DENND11: variants seen among roughly 807,000 people sequenced by gnomAD.
DENND11 encodes the protein DENN domain containing 11.
DENND11 carries 34 observed loss-of-function variants against 49.2 expected under a neutral mutation model. The observed-to-expected ratio is 0.69, with a 90% CI of 0.53 to 0.92. DENND11 has a LOEUF of 0.92. Ranked by LOEUF, DENND11 falls within the 40% of genes least tolerant of loss-of-function variation. The probability of loss-of-function intolerance (pLI) is 0.00; values close to 1 mark genes in which losing one functional copy is unlikely to be tolerated. For synonymous variants in DENND11, 238 were observed against 230.3 expected (o/e 1.03, Z -0.30); for missense variants, 475 against 581.6 (o/e 0.82, Z 1.88).
intron 3 of DENND11, among the ~76,000 whole-genome samples, chr7:141,679,416 AAATT>A (rs1320738118): frequency 1.3e-5 from 2 of 152,238 alleles, no homozygotes; most frequent in East Asian, 1.9e-4. Flanking sequence ...AAACTCCTAG[AAATT>A]AATAAGAAAA....
At chr7:141,690,752 T>C (rs1256347840) in intron 1 of DENND11, among the ~76,000 whole-genome samples, 1 of 152,202 alleles carries the variant, frequency 6.6e-6, no homozygotes, top group Non-Finnish European at 1.5e-5. Context: ...AAACAAAATT[T>C]TGTGAAATGT....
At chr7:141,696,364 C>T (rs1798413778) in intron 1 of DENND11, among the ~76,000 whole-genome samples, 2 of 152,244 alleles carry the variant, frequency 1.3e-5, no homozygotes, top group Non-Finnish European at 2.9e-5. Context: ...ACTGCAGTAA[C>T]TGCTGTCTGC....
rs751532271 is a variant in DENND11, at chr7:141,662,762, C to T, written c.1262G>A (p.Arg421Gln). 253 of 1,609,586 alleles carry T rather than the reference C, an allele frequency of 1.6e-4. No homozygotes were observed. Among genetic ancestry groups the T allele is most frequent in the Non-Finnish European group, 2.0e-4 (238 of 1,178,072 alleles). The change falls in exon 9 of 9, where the codon CGG (arginine) becomes CAG (glutamine). Residue 421 changes from arginine (R) to glutamine (Q), a missense_variant. Coordinates refer to ENST00000536163, the MANE Select transcript of DENND11 (RefSeq NM_001080392.2). ...QDKTLTAEHA[R>Q]GMGLDPQGDR... ...TCCTTGGGGGTCTAGGCCCATGCCC[C>T]GGGCATGCTCTGCTGTCAGAGTTTT...
chr7:141,693,353 T>C (rs534761469), intron 1 of DENND11, among the ~76,000 whole-genome samples: 5 of 152,336 alleles, frequency 3.3e-5, no homozygotes, highest in African/African-American at 1.2e-4. Flanking sequence ...AAACACCAAA[T>C]GCTGATGAGG....
intron 3 of DENND11, among the ~76,000 whole-genome samples, chr7:141,683,293 T>C (rs973278727): frequency 3.3e-5 from 5 of 152,174 alleles, no homozygotes; most frequent in Admixed American, 2.6e-4. Context: ...GAACTATCTA[T>C]TGAGCAAAGG....
chr7:141,680,950 A>T (rs984634049), intron 3 of DENND11, among the ~76,000 whole-genome samples: 2 of 152,114 alleles, frequency 1.3e-5, no homozygotes, highest in Admixed American at 6.5e-5. Context: ...ATAGCAACTT[A>T]GCCTATACTC....
At chr7:141,665,429 C>T in intron 5 of DENND11, 111 bp from the exon 6 acceptor site, 2 of 1,450,114 alleles carry the variant, frequency 1.4e-6, no homozygotes, top group Non-Finnish European at 1.9e-6. Flanking sequence ...CTTCAGGATC[C>T]AGGTGGTCCT....
chr7:141,677,904 A>ACTT (rs1042716216), intron 3 of DENND11, among the ~76,000 whole-genome samples: 2 of 152,110 alleles, frequency 1.3e-5, no homozygotes, highest in Non-Finnish European at 2.9e-5. Flanking sequence ...TTCATGATAC[A>ACTT]CCGGAAAGGT....
rs768101531 is a variant in DENND11 at position 141,662,732 on chromosome 7, C to T, written c.1292G>A (p.Arg431Gln). ...RGMGLDPQGDRSFLLDLLEAY... is the reference protein window; with the variant it reads ...RGMGLDPQGDQSFLLDLLEAY... The stretch of plus-strand genomic sequence containing the variant: ...CTCCAGCAGGTCCAGGAGAAAGCTC[C>T]GGTCTCCTTGGGGGTCTAGGCCCAT... The change falls in exon 9 of 9, where the codon CGG (arginine) becomes CAG (glutamine). Residue 431 changes from arginine to glutamine, a missense_variant. By Grantham distance (43) the Arg-to-Gln change is conservative. Coordinates refer to ENST00000536163, the MANE Select transcript of DENND11 (RefSeq NM_001080392.2). 26 of 1,611,530 alleles carry T rather than the reference C, an allele frequency of 1.6e-5. 1 individual carries two copies. Among genetic ancestry groups the T allele is most frequent in the Admixed American group, 6.7e-5 (4 of 59,610 alleles).
chr7:141,677,482 T>A (rs1281176377), intron 3 of DENND11, among the ~76,000 whole-genome samples: 2 of 142,764 alleles, frequency 1.4e-5, no homozygotes, highest in African/African-American at 2.6e-5. Context: ...TTTATATATA[T>A]TTATATGTGT....
At chr7:141,698,147 T>G (rs546039998) in intron 1 of DENND11, among the ~76,000 whole-genome samples, 1 of 152,212 alleles carries the variant, frequency 6.6e-6, no homozygotes, top group Non-Finnish European at 1.5e-5. Flanking sequence ...AGACATTGTA[T>G]GTTCAAAGCT....
intron 1 of DENND11, among the ~76,000 whole-genome samples, chr7:141,687,481 C>T (rs377145303): frequency 6.0e-5 from 9 of 148,830 alleles, no homozygotes; most frequent in Non-Finnish European, 1.0e-4. Context: ...TTTTTTTTCT[C>T]GAGACTGAGT....
rs1797815680 is a variant in DENND11 at position 141,662,589 on chromosome 7, G to C, written c.*67C>G. Reference sequence around the variant, plus strand: ...CTTAATAAAAAATGAGGCCCTCTGGGGCCCTGGGGTGAACTCCGGGCTGCT... The same window carrying C: ...CTTAATAAAAAATGAGGCCCTCTGGCGCCCTGGGGTGAACTCCGGGCTGCT... On this transcript the variant is annotated 3_prime_UTR_variant, in exon 9 of 9. Coordinates refer to ENST00000536163, the MANE Select transcript of DENND11 (RefSeq NM_001080392.2). 1 of 1,196,906 alleles carries C rather than the reference G, an allele frequency of 8.4e-7. No homozygotes were observed. Among genetic ancestry groups the C allele is most frequent in the African/African-American group, 1.6e-5 (1 of 64,128 alleles). The allele number at this position is 1,196,906 out of a possible 1,614,324, so 74.1% of individuals were successfully genotyped here.
intron 1 of DENND11, among the ~76,000 whole-genome samples, chr7:141,687,826 G>A (rs1584723330): frequency 6.6e-6 from 1 of 152,114 alleles, no homozygotes; most frequent in African/African-American, 2.4e-5. Context: ...AGTGGAGACG[G>A]GGTTTCACCA....
chr7:141,701,731 C>T (rs941656170), intron 1 of DENND11, 155 bp downstream of exon 1: 70 of 566,086 alleles, frequency 1.2e-4, no homozygotes, highest in Middle Eastern at 6.5e-4. Flanking sequence ...GGCCGACCCC[C>T]GCCCTTCCCC....
intron 3 of DENND11, among the ~76,000 whole-genome samples, chr7:141,682,077 T>C (rs910301097): frequency 6.6e-6 from 1 of 152,148 alleles, no homozygotes; most frequent in Admixed American, 6.5e-5. Flanking sequence ...TTACCTCCTA[T>C]ATTGCATTTG....
At position 141,662,487 on chromosome 7, in the gene DENND11, C is replaced by T; in HGVS notation, c.*169G>A. On this transcript the variant is annotated 3_prime_UTR_variant, in exon 9 of 9. Transcript: ENST00000536163. Reference sequence around the variant, plus strand: ...CAAAACCAAGGTGATCTCACCTTATCTCTAGGGAAAAGGGCAGAAAGGAAA... The same window carrying T: ...CAAAACCAAGGTGATCTCACCTTATTTCTAGGGAAAAGGGCAGAAAGGAAA... 2.1e-6 allele frequency: 1 copy of T among 476,594 alleles called. No homozygotes were observed. The highest frequency in any genetic ancestry group is 4.8e-5 in the South Asian group (1 of 20,980). The allele number at this position is 476,594 out of a possible 1,614,324, so 29.5% of individuals were successfully genotyped here.
At position 141,662,751 on chromosome 7, in the gene DENND11, G is replaced by C; in HGVS notation, c.1273C>G (p.Leu425Val). The change falls in exon 9 of 9, where the codon CTA (leucine) becomes GTA (valine). Residue 425 changes from leucine (L) to valine (V), a missense_variant. Transcript: ENST00000536163. ...LTAEHARGMG[L>V]DPQGDRSFLL... The stretch of plus-strand genomic sequence containing the variant: ...AAGCTCCGGTCTCCTTGGGGGTCTA[G>C]GCCCATGCCCCGGGCATGCTCTGCT... The C allele has an allele frequency of 6.2e-7, 1 of 1,611,510 alleles. No homozygotes were observed. Among genetic ancestry groups the C allele is most frequent in the Non-Finnish European group, 8.5e-7 (1 of 1,178,992 alleles).
chr7:141,671,029 T>A (rs1039558136), intron 4 of DENND11, among the ~76,000 whole-genome samples: 3 of 152,228 alleles, frequency 2.0e-5, no homozygotes, highest in Non-Finnish European at 2.9e-5. Flanking sequence ...GATCCTTCCA[T>A]GTCACCTTCT....
Sources: allele counts gnomAD v4.1 joint callset (sites outside exome capture counted in the v4.1 genomes callset), GRCh38; gene constraint gnomAD v4.1.1; transcripts MANE v1.5; gene names NCBI Gene and HGNC (gene_info 2026-07-23, HGNC 2026-07-21).